Variants in PCDH15 observed in about 807,000 individuals in gnomAD.
PCDH15 encodes protocadherin related 15, also known as protocadherin-15.
Under a neutral mutation model 178.5 loss-of-function variants are expected in PCDH15, and 129 were observed. The ratio of observed to expected loss-of-function variants is 0.72; its 90% confidence interval spans 0.63 to 0.84. The LOEUF (loss-of-function observed/expected upper bound fraction) is 0.84, where lower values mean the gene tolerates loss of function less well. Among genes scored for constraint, PCDH15 ranks in the 40% least tolerant of loss-of-function variants. PCDH15 has a pLI of 0.00. For missense variants in PCDH15, 2,230 were observed against 2,099.9 expected (o/e 1.06, Z -1.21); for synonymous variants, 800 against 732.0 (o/e 1.09, Z -1.50).
intron 8 of PCDH15, among the ~76,000 whole-genome samples, chr10:54,302,727 G>A (rs1411919761): frequency 1.3e-5 from 2 of 152,160 alleles, no homozygotes; most frequent in African/African-American, 4.8e-5. Context: ...TGATCAGATA[G>A]TTTATATAAC....
chr10:55,561,209 A>G (rs1842191421), intron 2 of PCDH15, among the ~76,000 whole-genome samples: 1 of 151,896 alleles, frequency 6.6e-6, no homozygotes, highest in Admixed American at 6.6e-5. Flanking sequence ...AAAACTGGGA[A>G]GTTAACAACT....
chr10:54,984,790 T>G (rs1473387179), intron 2 of PCDH15, among the ~76,000 whole-genome samples: 2 of 152,170 alleles, frequency 1.3e-5, no homozygotes. Flanking sequence ...TGACCCACAT[T>G]CATATCACTG....
intron 5 of PCDH15, among the ~76,000 whole-genome samples, chr10:54,358,748 C>T (rs1422313838): frequency 1.3e-5 from 2 of 152,084 alleles, no homozygotes; most frequent in African/African-American, 2.4e-5. Flanking sequence ...ATAGCAAAGA[C>T]TTGGAACCAA....
intron 18 of PCDH15, 46 bp from the exon 19 acceptor site, chr10:54,023,243 CG>C: frequency 6.4e-7 from 1 of 1,556,130 alleles, no homozygotes; most frequent in South Asian, 1.1e-5. Context: ...TAAGTTTTGA[CG>C]GGCTACTGTA....
intron 1 of PCDH15, among the ~76,000 whole-genome samples, chr10:55,283,934 T>C (rs1842799416): frequency 6.6e-6 from 1 of 152,164 alleles, no homozygotes; most frequent in African/African-American, 2.4e-5. Flanking sequence ...TACTATTTGT[T>C]CTGTAAACTA....
intron 20 of PCDH15, among the ~76,000 whole-genome samples, chr10:54,011,201 C>T (rs776958443): frequency 4.4e-4 from 67 of 152,320 alleles, no homozygotes; most frequent in South Asian, 2.1e-3. Flanking sequence ...CCCTCTACCA[C>T]TGCTGCTGCA....
chr10:55,354,062 G>A (rs551806309), intron 2 of PCDH15, among the ~76,000 whole-genome samples: 29 of 151,984 alleles, frequency 1.9e-4, no homozygotes, highest in South Asian at 4.1e-4. Context: ...TTATGCCCTC[G>A]TCTGATTTTT....
At chr10:55,215,551 CAT>C (rs1163193251) in intron 1 of PCDH15, among the ~76,000 whole-genome samples, 1 of 152,012 alleles carries the variant, frequency 6.6e-6, no homozygotes, top group East Asian at 1.9e-4. Context: ...ACACAGGTCA[CAT>C]GTGCAAAATT....
chr10:55,215,173 C>T (rs1248992700), intron 1 of PCDH15, among the ~76,000 whole-genome samples: 1 of 152,044 alleles, frequency 6.6e-6, no homozygotes, highest in Non-Finnish European at 1.5e-5. Flanking sequence ...AAGACAAATA[C>T]AACAATGAAT....
intron 18 of PCDH15, among the ~76,000 whole-genome samples, chr10:54,039,529 T>C (rs952725515): frequency 9.2e-5 from 14 of 151,960 alleles, no homozygotes; most frequent in Admixed American, 3.9e-4. Context: ...TAGTCTGACA[T>C]GATATCTAAC....
At chr10:54,185,409 C>T in intron 11 of PCDH15, 141 bp from the exon 12 acceptor site, 2 of 955,028 alleles carry the variant, frequency 2.1e-6, no homozygotes, top group Non-Finnish European at 3.2e-6. Context: ...AGATATTTAA[C>T]TAGATATTTA....
chr10:53,911,663 T>C (rs1482985221), intron 25 of PCDH15, among the ~76,000 whole-genome samples: 2 of 152,196 alleles, frequency 1.3e-5, no homozygotes, highest in African/African-American at 4.8e-5. Context: ...ATCCAGGAGC[T>C]GGTTTTTTGA....
At chr10:53,809,925 CA>C (rs2132379710) in intron 37 of PCDH15, among the ~76,000 whole-genome samples, 1 of 152,142 alleles carries the variant, frequency 6.6e-6, no homozygotes, top group South Asian at 2.1e-4. Context: ...CAAGAATTTT[CA>C]ATAATCACGA....
At chr10:54,844,326 G>A (rs2131755593) in intron 3 of PCDH15, among the ~76,000 whole-genome samples, 1 of 152,112 alleles carries the variant, frequency 6.6e-6, no homozygotes, top group South Asian at 2.1e-4. Flanking sequence ...AGTACATTTT[G>A]AGGAGATGCT....
intron 2 of PCDH15, among the ~76,000 whole-genome samples, chr10:55,400,517 T>C (rs912634392): frequency 6.6e-6 from 1 of 152,116 alleles, no homozygotes; most frequent in South Asian, 2.1e-4. Flanking sequence ...GCTTCTGTAT[T>C]TGTGAATTCA....
At chr10:54,528,743 A>T (rs2083609013) in intron 2 of PCDH15, among the ~76,000 whole-genome samples, 1 of 152,104 alleles carries the variant, frequency 6.6e-6, no homozygotes, top group Non-Finnish European at 1.5e-5. Context: ...TGTATGCTGA[A>T]AAAACTTTAA....
At chr10:55,043,701 T>C (rs2131979866) in intron 2 of PCDH15, among the ~76,000 whole-genome samples, 1 of 149,224 alleles carries the variant, frequency 6.7e-6, no homozygotes, top group South Asian at 2.1e-4. Context: ...CAAAGTGAGA[T>C]CCTGTCTAAA....
At chr10:55,320,273 GCA>G (rs148809070), upstream of PCDH15, among the ~76,000 whole-genome samples, 2 of 151,460 alleles carry the variant, frequency 1.3e-5, no homozygotes, top group South Asian at 4.2e-4. Context: ...GCCATTGCTG[GCA>G]CACACACACA....
At chr10:54,961,902 G>T (rs576075109) in intron 2 of PCDH15, among the ~76,000 whole-genome samples, 36 of 152,162 alleles carry the variant, frequency 2.4e-4, no homozygotes, top group African/African-American at 7.7e-4. Flanking sequence ...TCACTGGGAT[G>T]ACCTGCCTGG....
Sources: allele counts gnomAD v4.1 joint callset (sites outside exome capture counted in the v4.1 genomes callset), GRCh38; gene constraint gnomAD v4.1.1; transcripts MANE v1.5; gene names NCBI Gene and HGNC (gene_info 2026-07-23, HGNC 2026-07-21).